The following LINGO2 variants were observed in gnomAD, a reference collection of about 807,000 sequenced individuals.
LINGO2 encodes the protein leucine rich repeat and Ig domain containing 2.
Under a neutral mutation model 30.6 loss-of-function variants are expected in LINGO2, and 14 were observed. The observed-to-expected ratio is 0.46, with a 90% CI of 0.30 to 0.72. The LOEUF is 0.72. Ranked by LOEUF, LINGO2 falls within the 30% of genes least tolerant of loss-of-function variation. LINGO2 has a pLI of 0.07. For synonymous variants in LINGO2, 317 were observed against 288.5 expected (o/e 1.10, Z -1.00); for missense variants, 729 against 751.7 (o/e 0.97, Z 0.35).
At chr9:28,426,376 A>C (rs1044826738) in intron 2 of LINGO2, among the ~76,000 whole-genome samples, 4 of 152,122 alleles carry the variant, frequency 2.6e-5, no homozygotes, top group African/African-American at 9.7e-5. Flanking sequence ...TATCTGAAAA[A>C]GAAGTAACAT....
At chr9:29,163,902 A>C in the LINGO2 span, among the ~76,000 whole-genome samples, 1 of 152,266 alleles carries the variant, frequency 6.6e-6, no homozygotes, top group South Asian at 2.1e-4. Context: ...CAAAGGAGGG[A>C]GTCTATTTCC....
the LINGO2 span, among the ~76,000 whole-genome samples, chr9:28,841,948 G>T: frequency 2.0e-5 from 3 of 151,858 alleles, no homozygotes; most frequent in South Asian, 6.2e-4. Context: ...AGGTTTGGGG[G>T]TAGGAGGGCA....
At chr9:28,157,025 C>G (rs1273380294) in intron 4 of LINGO2, among the ~76,000 whole-genome samples, 1 of 152,194 alleles carries the variant, frequency 6.6e-6, no homozygotes, top group Non-Finnish European at 1.5e-5. Flanking sequence ...GTGGATCTAC[C>G]ATTCTGGGTT....
chr9:28,353,023 A>G, intron 3 of LINGO2, among the ~76,000 whole-genome samples: 1 of 151,002 alleles, frequency 6.6e-6, no homozygotes, highest in South Asian at 2.1e-4. Context: ...AAAGACTTAA[A>G]CGTTAGACCT....
the LINGO2 span, among the ~76,000 whole-genome samples, chr9:28,838,088 G>A: frequency 6.6e-6 from 1 of 151,856 alleles, no homozygotes; most frequent in African/African-American, 2.4e-5. Context: ...ATACCCTAGG[G>A]GTCCACAGGT....
At chr9:29,063,460 T>C in the LINGO2 span, among the ~76,000 whole-genome samples, 726 of 151,498 alleles carry the variant, frequency 4.8e-3, 6 homozygotes, top group African/African-American at 0.017. Flanking sequence ...TGGAGTGCAG[T>C]GGCGCAATCT....
intron 3 of LINGO2, among the ~76,000 whole-genome samples, chr9:28,357,208 T>C (rs919560121): frequency 6.6e-6 from 1 of 151,922 alleles, no homozygotes. Context: ...GAGTTAAGCA[T>C]ACTTATTCTA....
At chr9:27,988,161 G>T (rs1279914406) in intron 5 of LINGO2, among the ~76,000 whole-genome samples, 1 of 151,914 alleles carries the variant, frequency 6.6e-6, no homozygotes, top group Non-Finnish European at 1.5e-5. Context: ...CTTCATCCAT[G>T]TCCCTACAAA....
the LINGO2 span, among the ~76,000 whole-genome samples, chr9:29,105,507 T>G: frequency 6.6e-6 from 1 of 152,154 alleles, no homozygotes. Context: ...TCCGAGCAGT[T>G]TACTAAGACT....
intron 4 of LINGO2, among the ~76,000 whole-genome samples, chr9:28,153,774 T>G (rs999173894): frequency 3.3e-5 from 5 of 152,192 alleles, no homozygotes; most frequent in Non-Finnish European, 5.9e-5. Context: ...TGGTGTTACC[T>G]AAACTTACAT....
intron 1 of LINGO2, among the ~76,000 whole-genome samples, chr9:28,545,664 G>A (rs1358220441): frequency 1.3e-5 from 2 of 151,782 alleles, no homozygotes; most frequent in Non-Finnish European, 2.9e-5. Flanking sequence ...AAAGAGGGGG[G>A]GAACTTTTAG....
At chr9:29,161,828 T>TA in the LINGO2 span, among the ~76,000 whole-genome samples, 1 of 152,114 alleles carries the variant, frequency 6.6e-6, no homozygotes, top group African/African-American at 2.4e-5. Context: ...CTTTCTTGAA[T>TA]ATATACCATA....
intron 4 of LINGO2, among the ~76,000 whole-genome samples, chr9:28,031,279 A>C (rs557434054): frequency 6.6e-6 from 1 of 151,744 alleles, no homozygotes; most frequent in African/African-American, 2.4e-5. Context: ...AAATGGGACC[A>C]TCCACCATGT....
intron 1 of LINGO2, among the ~76,000 whole-genome samples, chr9:28,622,936 A>G (rs1826478393): frequency 6.6e-6 from 1 of 151,882 alleles, no homozygotes; most frequent in African/African-American, 2.4e-5. Flanking sequence ...TTCTCTGATG[A>G]TAGATGATGT....
chr9:28,539,892 A>G (rs1821598464), intron 1 of LINGO2, among the ~76,000 whole-genome samples: 2 of 152,128 alleles, frequency 1.3e-5, no homozygotes, highest in African/African-American at 4.8e-5. Context: ...TTCAGCAGAG[A>G]GTGTAGGAGC....
upstream of LINGO2, among the ~76,000 whole-genome samples, chr9:28,674,560 T>C (rs1829146270): frequency 6.6e-6 from 1 of 152,170 alleles, no homozygotes; most frequent in Admixed American, 6.6e-5. Context: ...TTTCTCTTTT[T>C]CTACCACATT....
chr9:28,182,114 A>T (rs1226681020), intron 4 of LINGO2, among the ~76,000 whole-genome samples: 1 of 152,132 alleles, frequency 6.6e-6, no homozygotes, highest in Non-Finnish European at 1.5e-5. Flanking sequence ...ACCAAAACAG[A>T]CATATAGACC....
chr9:28,127,807 A>AT (rs1261021961), intron 4 of LINGO2, among the ~76,000 whole-genome samples: 1 of 152,142 alleles, frequency 6.6e-6, no homozygotes, highest in Non-Finnish European at 1.5e-5. Context: ...TTTTGCTACG[A>AT]TTTTTCTGAT....
chr9:28,562,043 C>T (rs758934763), intron 1 of LINGO2, among the ~76,000 whole-genome samples: 1 of 151,840 alleles, frequency 6.6e-6, no homozygotes, highest in Non-Finnish European at 1.5e-5. Flanking sequence ...TTGAACTCCT[C>T]TGGTACCTTA....
Sources: allele counts gnomAD v4.1 joint callset (sites outside exome capture counted in the v4.1 genomes callset), GRCh38; gene constraint gnomAD v4.1.1; transcripts MANE v1.5; gene names NCBI Gene and HGNC (gene_info 2026-07-23, HGNC 2026-07-21).